Variants in OSBPL10 observed in about 807,000 individuals in gnomAD.
OSBPL10 encodes oxysterol binding protein like 10, also known as oxysterol-binding protein-related protein 10.
A neutral mutation model predicts 81.7 loss-of-function variants in OSBPL10; 49 were observed. The ratio of observed to expected loss-of-function variants is 0.60; its 90% CI spans 0.48 to 0.76. The LOEUF (loss-of-function observed/expected upper bound fraction) is 0.76. Ranked by LOEUF, OSBPL10 falls within the 30% of genes least tolerant of loss-of-function variation. The pLI, the probability that OSBPL10 is intolerant of heterozygous loss-of-function variation, is 0.00. For missense variants in OSBPL10, 923 were observed against 987.8 expected, an observed-to-expected ratio of 0.93 and a Z score of 0.88; for synonymous variants, 419 against 383.6, an observed-to-expected ratio of 1.09 and a Z score of -1.08.
chr3:32,016,091 A>C (rs1699310957), intron 2 of OSBPL10, among the ~76,000 whole-genome samples: 1 of 152,200 alleles, frequency 6.6e-6, no homozygotes. Flanking sequence ...CCATTCCATT[A>C]CTGGGTATAT....
At chr3:31,813,440 G>GT (rs908829816) in intron 4 of OSBPL10, among the ~76,000 whole-genome samples, 2 of 152,098 alleles carry the variant, frequency 1.3e-5, no homozygotes, top group African/African-American at 2.4e-5. Flanking sequence ...GGCAGTTTTG[G>GT]TTTTTTTGTT....
chr3:31,707,719 G>A (rs1246527164), intron 6 of OSBPL10, among the ~76,000 whole-genome samples: 1 of 152,178 alleles, frequency 6.6e-6, no homozygotes, highest in Non-Finnish European at 1.5e-5. Context: ...GTACACAGCA[G>A]CATGGCAAAG....
At chr3:31,820,844 A>C (rs1165566271) in intron 4 of OSBPL10, among the ~76,000 whole-genome samples, 1 of 152,136 alleles carries the variant, frequency 6.6e-6, no homozygotes, top group Non-Finnish European at 1.5e-5. Context: ...ATCTATAGAG[A>C]AGTATCTCCC....
chr3:31,819,422 T>C (rs1699928084), intron 4 of OSBPL10, among the ~76,000 whole-genome samples: 1 of 152,216 alleles, frequency 6.6e-6, no homozygotes, highest in African/African-American at 2.4e-5. Context: ...AGATGTAATG[T>C]GACTTGCCCA....
chr3:32,028,412 C>T (rs1258877191), intron 2 of OSBPL10, among the ~76,000 whole-genome samples: 1 of 152,170 alleles, frequency 6.6e-6, no homozygotes, highest in African/African-American at 2.4e-5. Flanking sequence ...AACCCAATTG[C>T]TTAAACCAAA....
At chr3:32,002,126 G>A (rs2125532840) in intron 2 of OSBPL10, among the ~76,000 whole-genome samples, 1 of 152,234 alleles carries the variant, frequency 6.6e-6, no homozygotes, top group East Asian at 1.9e-4. Context: ...AGTCCATCTA[G>A]GGGAAAACAT....
At chr3:31,733,685 GTTTTTTT>G (rs372305256) in intron 5 of OSBPL10, among the ~76,000 whole-genome samples, 7 of 91,778 alleles carry the variant, frequency 7.6e-5, no homozygotes, top group Middle Eastern at 7.5e-3. Flanking sequence ...AGATAAAGGT[GTTTTTTT>G]TTTTTTTTTT....
intron 4 of OSBPL10, among the ~76,000 whole-genome samples, chr3:31,826,235 C>G (rs1446428631): frequency 2.0e-5 from 3 of 152,186 alleles, no homozygotes; most frequent in Non-Finnish European, 2.9e-5. Context: ...ATCTGCAGCA[C>G]AGTCAACATT....
At position 31,942,813 on chromosome 3, in the gene OSBPL10, C is replaced by CA. The variant is rs557845860; in HGVS notation, c.281+38085dup. Among the ~76,000 whole-genome samples the CA allele has an allele frequency of 7.2e-5, 11 of 152,016 alleles. No homozygotes were observed. The South Asian group carries it at 8.3e-4, about 11-fold the overall frequency. On this transcript the variant is annotated intron_variant, in intron 1 of 11. Transcript: ENST00000396556. ...ACACAATTAGCTAACACAGTTTTGA[C>CA]AAAAAAAATTATGTCAAATTTTTTA...
chr3:31,915,726 C>T (rs1696735440), intron 1 of OSBPL10, among the ~76,000 whole-genome samples: 1 of 151,748 alleles, frequency 6.6e-6, no homozygotes, highest in African/African-American at 2.4e-5. Context: ...AGGTAACAAA[C>T]CTGCCCGTGT....
At chr3:31,888,726 G>A (rs952112691) in intron 1 of OSBPL10, among the ~76,000 whole-genome samples, 4 of 152,102 alleles carry the variant, frequency 2.6e-5, no homozygotes, top group African/African-American at 9.7e-5. Context: ...TTCAAGACCA[G>A]CCTGGCCAAC....
chr3:31,837,333 ATATATATATAT>A (rs899891509), intron 3 of OSBPL10, among the ~76,000 whole-genome samples: 21 of 17,478 alleles, frequency 1.2e-3, no homozygotes, highest in Admixed American at 5.6e-3. Flanking sequence ...ATATATATAT[ATATATATATAT>A]ATATATATAT....
chr3:32,033,392 T>A (rs913223817), intron 2 of OSBPL10, among the ~76,000 whole-genome samples: 1 of 152,198 alleles, frequency 6.6e-6, no homozygotes, highest in African/African-American at 2.4e-5. Context: ...AATTTAATTA[T>A]AAAGTAGCTG....
At chr3:31,674,824 T>C (rs1700422967) in intron 8 of OSBPL10, among the ~76,000 whole-genome samples, 1 of 152,158 alleles carries the variant, frequency 6.6e-6, no homozygotes, top group Non-Finnish European at 1.5e-5. Context: ...GGTATTCCTT[T>C]ATAGCAACAC....
intron 2 of OSBPL10, among the ~76,000 whole-genome samples, chr3:32,033,351 A>G (rs1450424667): frequency 6.6e-6 from 1 of 152,200 alleles, no homozygotes; most frequent in African/African-American, 2.4e-5. Flanking sequence ...TTAAAATCTG[A>G]CAAACCACGG....
intron 5 of OSBPL10, among the ~76,000 whole-genome samples, chr3:31,739,294 A>G (rs777768898): frequency 1.3e-5 from 2 of 152,222 alleles, no homozygotes; most frequent in Non-Finnish European, 1.5e-5. Flanking sequence ...GAGGAGGGAA[A>G]GGAAAGGACG....
chr3:31,726,767 G>C (rs1696819944), intron 6 of OSBPL10, among the ~76,000 whole-genome samples: 1 of 151,988 alleles, frequency 6.6e-6, no homozygotes, highest in African/African-American at 2.4e-5. Flanking sequence ...GTATCTTTGA[G>C]GCCATCATGA....
chr3:32,030,758 G>C, intron 2 of OSBPL10: 1 of 632,226 alleles, frequency 1.6e-6, no homozygotes, highest in Middle Eastern at 4.2e-4. Flanking sequence ...AAACCCTTAA[G>C]TTACATAAAA....
intron 1 of OSBPL10, among the ~76,000 whole-genome samples, chr3:32,048,957 C>T (rs557084330): frequency 1.3e-5 from 2 of 152,288 alleles, no homozygotes; most frequent in African/African-American, 4.8e-5. Context: ...AAAACATTAG[C>T]ATGCTAAAAG....
Sources: allele counts gnomAD v4.1 joint callset (sites outside exome capture counted in the v4.1 genomes callset), GRCh38; gene constraint gnomAD v4.1.1; transcripts MANE v1.5; gene names NCBI Gene and HGNC (gene_info 2026-07-23, HGNC 2026-07-21).